Variants in SSBP3 observed in about 807,000 individuals in gnomAD.
The protein encoded by SSBP3 is single-stranded DNA-binding protein 3.
SSBP3 carries 5 observed loss-of-function variants against 69.6 expected under a neutral mutation model. That is an observed-to-expected ratio of 0.07 (90% CI 0.04 to 0.15). The LOEUF is 0.15. Among genes scored for constraint, SSBP3 ranks in the 10% least tolerant of loss-of-function variants. The probability of loss-of-function intolerance (pLI) is 1.00; values close to 1 mark genes in which losing one functional copy is unlikely to be tolerated. For synonymous variants in SSBP3, 196 were observed against 193.4 expected (o/e 1.01, Z -0.11); for missense variants, 312 against 534.0 (o/e 0.58, Z 4.10).
chr1:54,339,602 C>T (rs1646571203), intron 4 of SSBP3, among the ~76,000 whole-genome samples: 2 of 151,946 alleles, frequency 1.3e-5, no homozygotes, highest in South Asian at 4.2e-4. Flanking sequence ...AGAGGGGAAT[C>T]TCTAGTGCCT....
intron 4 of SSBP3, among the ~76,000 whole-genome samples, chr1:54,389,028 T>C (rs1648286089): frequency 6.6e-6 from 1 of 152,186 alleles, no homozygotes; most frequent in Non-Finnish European, 1.5e-5. Context: ...ATTGCTAATA[T>C]TGTTTAAGTT....
At chr1:54,367,388 G>A (rs1046617855) in intron 4 of SSBP3, among the ~76,000 whole-genome samples, 1 of 152,176 alleles carries the variant, frequency 6.6e-6, no homozygotes, top group Non-Finnish European at 1.5e-5. Context: ...AGTCCAATCT[G>A]TGCCTCTCAT....
At chr1:54,379,391 C>T (rs1050530334) in intron 4 of SSBP3, among the ~76,000 whole-genome samples, 8 of 152,166 alleles carry the variant, frequency 5.3e-5, no homozygotes, top group Admixed American at 3.9e-4. Flanking sequence ...AGCACCAGGA[C>T]GGGGACGTCT....
intron 1 of SSBP3, among the ~76,000 whole-genome samples, 174 bp from the exon 2 acceptor site, chr1:54,405,104 G>T (rs1436988547): frequency 6.6e-6 from 1 of 152,160 alleles, no homozygotes; most frequent in Admixed American, 6.5e-5. Flanking sequence ...GAACAGTTAG[G>T]GGGTGGGGAC....
rs369837567 is a variant in SSBP3 at position 54,231,841 on chromosome 1, C to T, written c.928-3015G>A. ...TCCCAGGTAGCTGGGACTACAGGTG[C>T]GCGCCACCACACCTGGCTAATTTTG... On this transcript the variant is annotated intron_variant, in intron 14 of 17. Transcript: ENST00000610401. 7.2e-5 allele frequency among the ~76,000 whole-genome samples: 11 copies of T among 152,162 alleles called. No homozygotes were observed. In the South Asian group the frequency reaches 1.5e-3, roughly 20 times the overall value.
At chr1:54,350,117 C>T (rs953769775) in intron 4 of SSBP3, among the ~76,000 whole-genome samples, 2 of 152,146 alleles carry the variant, frequency 1.3e-5, no homozygotes, top group African/African-American at 2.4e-5. Flanking sequence ...GGAGCATCCA[C>T]GTGAAAAGGC....
In SSBP3 at chr1:54,251,913, T is replaced by C. The variant is rs1245346464; in HGVS notation, c.508-53A>G. The C allele has an allele frequency of 2.6e-6, 4 of 1,514,292 alleles. No homozygotes were observed. In the East Asian group the frequency reaches 9.1e-5, roughly 34 times the overall value. 93.8% of individuals were successfully genotyped at this position (1,514,292 alleles called of 1,614,324 possible). On this transcript the variant is annotated intron_variant, in intron 7 of 17. Transcript: ENST00000610401. ...GGAGCTGCTCCGGAGCTGCTGGCCA[T>C]GGGGACAGGCATCTACCTGTCCCAC...
intron 4 of SSBP3, among the ~76,000 whole-genome samples, chr1:54,377,337 C>T (rs757393878): frequency 1.3e-5 from 2 of 152,262 alleles, no homozygotes; most frequent in Non-Finnish European, 2.9e-5. Context: ...GGCAGGAGTG[C>T]TCCAACAGCC....
chr1:54,335,333 A>G (rs1646490045), intron 4 of SSBP3, among the ~76,000 whole-genome samples: 1 of 152,214 alleles, frequency 6.6e-6, no homozygotes, highest in South Asian at 2.1e-4. Flanking sequence ...ACATTCCGAC[A>G]ATGTTTCTAG....
chr1:54,359,219 A>AG (rs1646915619), intron 4 of SSBP3, among the ~76,000 whole-genome samples: 1 of 138,972 alleles, frequency 7.2e-6, no homozygotes, highest in Admixed American at 6.9e-5. Context: ...AAAAAAAAAA[A>AG]AAAAAAAAAA....
chr1:54,378,335 C>T (rs1647348439), intron 4 of SSBP3, among the ~76,000 whole-genome samples: 1 of 152,206 alleles, frequency 6.6e-6, no homozygotes. Flanking sequence ...AATATGGGTG[C>T]TTCGCTACCC....
chr1:54,268,890 G>T (rs1645146362), intron 5 of SSBP3, among the ~76,000 whole-genome samples: 1 of 152,276 alleles, frequency 6.6e-6, no homozygotes, highest in South Asian at 2.1e-4. Flanking sequence ...TGCTGGAAAA[G>T]CCCCAGATTC....
At chr1:54,282,266 T>C (rs1645409266) in intron 4 of SSBP3, among the ~76,000 whole-genome samples, 1 of 152,224 alleles carries the variant, frequency 6.6e-6, no homozygotes, top group Non-Finnish European at 1.5e-5. Flanking sequence ...TATAAATTTC[T>C]GTGCCCTCTG....
intron 4 of SSBP3, among the ~76,000 whole-genome samples, chr1:54,383,140 G>A (rs759683878): frequency 3.3e-5 from 5 of 152,082 alleles, no homozygotes; most frequent in African/African-American, 4.8e-5. Flanking sequence ...TTGGGAGGCC[G>A]AGGTGGGCGG....
intron 17 of SSBP3, 28 bp from the exon 18 acceptor site, chr1:54,227,188 G>GGA: frequency 4.8e-6 from 5 of 1,042,012 alleles, no homozygotes; most frequent in South Asian, 1.4e-5. Context: ...AGAAGGGGGG[G>GGA]GGGTGAGGAT....
At chr1:54,285,019 C>G (rs1471139197) in intron 4 of SSBP3, among the ~76,000 whole-genome samples, 1 of 151,996 alleles carries the variant, frequency 6.6e-6, no homozygotes, top group Non-Finnish European at 1.5e-5. Flanking sequence ...TGAAGGAGGA[C>G]AAAAAACCAA....
intron 13 of SSBP3, among the ~76,000 whole-genome samples, chr1:54,240,097 C>CGTGT (rs1644594190): frequency 7.9e-5 from 1 of 12,648 alleles, no homozygotes; most frequent in Non-Finnish European, 1.3e-4. Flanking sequence ...TGCGCGCGCG[C>CGTGT]GCGTGTGCGT....
intron 5 of SSBP3, among the ~76,000 whole-genome samples, chr1:54,278,875 G>A (rs1445023064): frequency 6.6e-6 from 1 of 152,220 alleles, no homozygotes; most frequent in African/African-American, 2.4e-5. Context: ...AGAGTGGCCG[G>A]CTGCAATACT....
intron 4 of SSBP3, among the ~76,000 whole-genome samples, chr1:54,388,726 G>A (rs940372784): frequency 2.6e-5 from 4 of 152,208 alleles, no homozygotes; most frequent in African/African-American, 9.7e-5. Flanking sequence ...GTTCACACAG[G>A]CTCTTACACC....
Sources: gnomAD v4.1 joint callset for allele counts (sites outside exome capture counted in the v4.1 genomes callset) on GRCh38, gnomAD v4.1.1 for gene constraint, MANE v1.5 for transcripts, NCBI Gene and HGNC (gene_info 2026-07-23, HGNC 2026-07-21) for gene names.